The following ZNF451 variants were observed in gnomAD, a reference collection of about 807,000 sequenced individuals.
ZNF451 encodes zinc finger protein 451.
ZNF451 carries 80 observed loss-of-function variants against 107.1 expected under a neutral mutation model. The observed-to-expected ratio is 0.75, with a 90% confidence interval of 0.62 to 0.90. ZNF451 has a LOEUF of 0.90. ZNF451 is among the 40% of genes least tolerant of loss of function. ZNF451 has a pLI of 0.00. For synonymous variants in ZNF451, 362 were observed against 406.5 expected (o/e 0.89, Z 1.32); for missense variants, 1,107 against 1,236.2 (o/e 0.90, Z 1.57).
At chr6:57,104,240 T>A (rs1829741213) in intron 3 of ZNF451, 5 of 985,314 alleles carry the variant, frequency 5.1e-6, no homozygotes, top group Admixed American at 6.1e-5. Context: ...TACATTTTTG[T>A]AGCTTATGTG....
At chr6:57,109,681 T>G in intron 3 of ZNF451, 1 of 979,806 alleles carries the variant, frequency 1.0e-6, no homozygotes, top group Non-Finnish European at 1.2e-6. Flanking sequence ...AGCCTAACAG[T>G]GTACTAAGTC....
At chr6:57,107,657 G>A in intron 3 of ZNF451, 6 of 985,308 alleles carry the variant, frequency 6.1e-6, no homozygotes, top group Non-Finnish European at 7.2e-6. Flanking sequence ...TTTACTGGTT[G>A]AGGTAACCTA....
At chr6:57,105,350 G>A (rs1219893748) in intron 3 of ZNF451, 1 of 983,558 alleles carries the variant, frequency 1.0e-6, no homozygotes, top group Admixed American at 6.1e-5. Context: ...TAGTTACTGT[G>A]TATAGAGAAG....
At chr6:57,156,605 T>C (rs1763434618) in intron 13 of ZNF451, among the ~76,000 whole-genome samples, 1 of 152,210 alleles carries the variant, frequency 6.6e-6, no homozygotes, top group Non-Finnish European at 1.5e-5. Flanking sequence ...ATGAAAACTT[T>C]CTATACCCTC....
Position 57,147,190 on chromosome 6 carries a change from C to G in ZNF451, c.1105C>G (p.Gln369Glu). The change falls in exon 10 of 15, where the codon CAA becomes GAA. Residue 369 changes from glutamine (Q) to glutamate (E), a missense_variant. Physicochemically the swap from Gln to Glu is conservative, Grantham distance 29. This residue lies in a region of ZNF451 where 608 missense variants were observed against 649.2 expected (regional missense o/e 0.94). Transcript: ENST00000370706. ...AAGAGGTTATTGTCCAGATTGCAAT[C>G]AAGTCTTTGTGGATGAAACCAGCAC... ...ILRGYCPDCNQVFVDETSTQN... is the reference protein window; with the variant it reads ...ILRGYCPDCNEVFVDETSTQN... 6.2e-7 allele frequency: 1 copy of G among 1,614,048 alleles called. No homozygotes were observed. The highest frequency in any genetic ancestry group is 8.5e-7 in the Non-Finnish European group (1 of 1,179,960).
intron 7 of ZNF451, among the ~76,000 whole-genome samples, chr6:57,136,089 T>G (rs1481350261): frequency 1.3e-5 from 2 of 152,136 alleles, no homozygotes; most frequent in African/African-American, 4.8e-5. Flanking sequence ...TGAAGCAGAT[T>G]TTATTTTACA....
chr6:57,134,734 T>G lies in ZNF451; in HGVS notation c.576-10T>G. ...ATCTAATATTACCTCTTACCTCTTT[T>G]GCTGAGTAGGTTCGATCACTCTCCA... On this transcript the variant is annotated splice_polypyrimidine_tract_variant and intron_variant, in intron 6 of 14. Transcript: ENST00000370706. 6.2e-7 allele frequency: 1 copy of G among 1,608,770 alleles called. No individual in the cohort carries two copies. The highest frequency in any genetic ancestry group is 1.1e-5 in the South Asian group (1 of 90,402).
In ZNF451 at chr6:57,151,038, A is replaced by T. The variant is rs183052572; in HGVS notation, c.2752+176A>T. ...GTTTTCTTTACATGCCTCTGTGGTA[A>T]ATGTTAGCTCTATCTGGTGACTCAA... On this transcript the variant is annotated intron_variant, in intron 11 of 14. Transcript: ENST00000370706. The T allele has an allele frequency of 1.2e-5, 9 of 733,674 alleles. No individual in the cohort carries two copies. In the African/African-American group the frequency reaches 1.6e-4, roughly 13 times the overall value. 45.4% of individuals were successfully genotyped at this position (733,674 alleles called of 1,614,324 possible).
intron 3 of ZNF451, chr6:57,104,957 A>T (rs1363289892): frequency 6.1e-6 from 6 of 984,844 alleles, no homozygotes; most frequent in Admixed American, 6.2e-5. Context: ...TTTTAGTAAT[A>T]GATTAGTTTC....
At chr6:57,166,114 G>A (rs539894339) in intron 14 of ZNF451, among the ~76,000 whole-genome samples, 57 of 150,926 alleles carry the variant, frequency 3.8e-4, no homozygotes, top group South Asian at 2.5e-3. Flanking sequence ...TGCAACCTCC[G>A]CCTCCCAGGT....
chr6:57,134,635 A>G, intron 6 of ZNF451, 109 bp from the exon 7 acceptor site: 1 of 936,130 alleles, frequency 1.1e-6, no homozygotes, highest in Non-Finnish European at 1.6e-6. Flanking sequence ...GAAAAGTGCA[A>G]AGTTCTGAAT....
At chr6:57,156,124 G>A (rs1353345786) in intron 13 of ZNF451, among the ~76,000 whole-genome samples, 1 of 151,918 alleles carries the variant, frequency 6.6e-6, no homozygotes, top group Non-Finnish European at 1.5e-5. Flanking sequence ...ACAAATAATA[G>A]CTATTTTTTA....
At position 57,163,537 on chromosome 6, in the gene ZNF451, G is replaced by A. The variant is rs1176839799; in HGVS notation, c.3139+2385G>A. ...GCGATCTCAGCTCACTGCAAGCTCC[G>A]CCTCCCGGGTTCACGCCATTCTCCT... On this transcript the variant is annotated intron_variant, in intron 14 of 14. Coordinates refer to ENST00000370706, the MANE Select transcript of ZNF451 (RefSeq NM_001031623.3). Among the ~76,000 whole-genome samples, 5 of 125,986 alleles carry A rather than the reference G, an allele frequency of 4.0e-5. No homozygotes were observed. The East Asian group carries it at 1.1e-3, about 27-fold the overall frequency. The allele number at this position is 125,986 out of a possible 152,430, so 82.7% of individuals were successfully genotyped here. A position where few individuals can be genotyped will look rare whatever the true frequency, so the allele number is the denominator to read the frequency against.
chr6:57,163,661 A>G (rs1034272754), intron 14 of ZNF451, among the ~76,000 whole-genome samples: 1 of 151,188 alleles, frequency 6.6e-6, no homozygotes, highest in Admixed American at 6.6e-5. Flanking sequence ...CGTGTTAGCC[A>G]GGATGGTCTC....
At chr6:57,093,758 C>G (rs1562583803) in intron 2 of ZNF451, among the ~76,000 whole-genome samples, 1 of 152,172 alleles carries the variant, frequency 6.6e-6, no homozygotes, top group East Asian at 1.9e-4. Context: ...CAAGGAAAGG[C>G]ATCAGAATGG....
At chr6:57,105,305 A>G (rs1243659033) in intron 3 of ZNF451, 1 of 984,216 alleles carries the variant, frequency 1.0e-6, no homozygotes, top group African/African-American at 1.7e-5. Flanking sequence ...TCTTGATTAG[A>G]TATACAATGT....
At chr6:57,106,866 A>G (rs1029830539) in intron 3 of ZNF451, 64 of 970,594 alleles carry the variant, frequency 6.6e-5, no homozygotes, top group Non-Finnish European at 7.6e-5. Context: ...TTATCAGTAA[A>G]CTGGTGATTA....
intron 7 of ZNF451, among the ~76,000 whole-genome samples, chr6:57,138,775 G>GTA (rs1224868487): frequency 4.1e-4 from 44 of 106,212 alleles, no homozygotes; most frequent in East Asian, 2.4e-3. Flanking sequence ...GTGTGTGTGT[G>GTA]TATATATATA....
In ZNF451 at chr6:57,170,189, C is replaced by A. The variant is rs907323399; in HGVS notation, c.*1720C>A. ...TTCTACTTGTTAAATAATTAAAAAT[C>A]ATCTTAAAATTCATACTTTGACTTT... On this transcript the variant is annotated 3_prime_UTR_variant, in exon 15 of 15. Coordinates refer to ENST00000370706, the MANE Select transcript of ZNF451 (RefSeq NM_001031623.3). 5.3e-5 allele frequency: 8 copies of A among 152,166 alleles called. No individual in the cohort carries two copies. Among genetic ancestry groups the A allele is most frequent in the Non-Finnish European group, 8.8e-5 (6 of 68,026 alleles). 9.4% of individuals were successfully genotyped at this position (152,166 alleles called of 1,614,324 possible). A position where few individuals can be genotyped will look rare whatever the true frequency, so the allele number is the denominator to read the frequency against.
Sources: gnomAD v4.1 joint callset for allele counts (sites outside exome capture counted in the v4.1 genomes callset) on GRCh38, gnomAD v4.1.1 for gene constraint, gnomAD v4.1.1 regional missense constraint, MANE v1.5 for transcripts, NCBI Gene and HGNC (gene_info 2026-07-23, HGNC 2026-07-21) for gene names.